MAN1C1: variants seen among roughly 807,000 people sequenced by gnomAD.
MAN1C1 encodes the protein mannosyl-oligosaccharide 1,2-alpha-mannosidase IC.
Under a neutral mutation model 71.5 loss-of-function variants are expected in MAN1C1, and 49 were observed. The ratio of observed to expected loss-of-function variants is 0.69; its 90% CI spans 0.54 to 0.87. The LOEUF (loss-of-function observed/expected upper bound fraction) is 0.87. Ranked by LOEUF, MAN1C1 falls within the 40% of genes least tolerant of loss-of-function variation. The pLI is 0.00. For synonymous variants in MAN1C1, 352 were observed against 343.7 expected (o/e 1.02, Z -0.27); for missense variants, 743 against 835.0 (o/e 0.89, Z 1.36).
At chr1:25,627,569 C>T (rs565544389) in intron 1 of MAN1C1, among the ~76,000 whole-genome samples, 1 of 152,360 alleles carries the variant, frequency 6.6e-6, no homozygotes, top group East Asian at 1.9e-4. Context: ...GCCACTGTGC[C>T]CAGCCAATCC....
At chr1:25,687,002 G>A (rs113934514) in intron 2 of MAN1C1, among the ~76,000 whole-genome samples, 4 of 152,162 alleles carry the variant, frequency 2.6e-5, no homozygotes, top group South Asian at 2.1e-4. Context: ...GGGGCCGGGC[G>A]TGGTGGCCTT....
rs187859415 is a variant in MAN1C1 at position 25,764,741 on chromosome 1, C to T, written c.1141+774C>T. Among the ~76,000 whole-genome samples the T allele has an allele frequency of 5.9e-4, 90 of 152,040 alleles. 1 individual carries two copies. Among genetic ancestry groups the T allele is most frequent in the Admixed American group, 3.6e-3 (55 of 15,272 alleles). Reference sequence around the variant, plus strand: ...CTCCAACTTTAATTTAAAAAACAAACAAACAAACAAACAAACAAAAACCAT... The same window carrying T: ...CTCCAACTTTAATTTAAAAAACAAATAAACAAACAAACAAACAAAAACCAT... On this transcript the variant is annotated intron_variant, in intron 7 of 11. Coordinates refer to ENST00000374332, the MANE Select transcript of MAN1C1 (RefSeq NM_020379.4). This position sits in a 1 kb window ranked among gnomAD's most constrained non-coding sequence, Gnocchi z 4.4.
Position 25,779,649 on chromosome 1 carries a change from G to A in MAN1C1, c.1478-1291G>A, listed in dbSNP as rs899649126. On this transcript the variant is annotated intron_variant, in intron 9 of 11. Coordinates refer to ENST00000374332, the MANE Select transcript of MAN1C1 (RefSeq NM_020379.4). This position sits in a 1 kb window ranked among gnomAD's most constrained non-coding sequence, Gnocchi z 4.6. The stretch of plus-strand genomic sequence containing the variant: ...GCCAGCCTCGGCTTGTCCTGTGGAC[G>A]CCTGTAGCAGTGGCTCCTGCCTTCA... 5.9e-5 allele frequency among the ~76,000 whole-genome samples: 9 copies of A among 152,066 alleles called. No homozygotes were observed. Among genetic ancestry groups the A allele is most frequent in the East Asian group, 3.9e-4 (2 of 5,158 alleles).
At chr1:25,655,160 G>A (rs1020427752) in intron 1 of MAN1C1, among the ~76,000 whole-genome samples, 3 of 152,208 alleles carry the variant, frequency 2.0e-5, no homozygotes, top group African/African-American at 7.2e-5. Flanking sequence ...TCCGGACTAA[G>A]TAAGGAATTT....
At chr1:25,698,108 C>A (rs961938022) in intron 2 of MAN1C1, among the ~76,000 whole-genome samples, 1 of 152,206 alleles carries the variant, frequency 6.6e-6, no homozygotes, top group African/African-American at 2.4e-5. Flanking sequence ...GCAGCAGGAG[C>A]AATCAGTGAA....
chr1:25,652,180 C>T (rs137989600), intron 1 of MAN1C1, among the ~76,000 whole-genome samples: 15 of 152,356 alleles, frequency 9.8e-5, no homozygotes, highest in Non-Finnish European at 2.1e-4. Context: ...AGCTGAGGAG[C>T]CTTCCTGCTG....
At chr1:25,765,952 C>A (rs780854762) in intron 7 of MAN1C1, among the ~76,000 whole-genome samples, 48 of 152,264 alleles carry the variant, frequency 3.2e-4, no homozygotes, top group Non-Finnish European at 5.9e-4. Flanking sequence ...AGATTATAGC[C>A]ACGGGAAGAG....
At chr1:25,687,618 G>A (rs555093341) in intron 2 of MAN1C1, among the ~76,000 whole-genome samples, 2 of 152,292 alleles carry the variant, frequency 1.3e-5, no homozygotes, top group East Asian at 3.9e-4. Flanking sequence ...CCCATCGTGT[G>A]CAGCCCTATC....
chr1:25,689,122 C>A (rs186965791), intron 2 of MAN1C1, among the ~76,000 whole-genome samples: 32 of 152,304 alleles, frequency 2.1e-4, no homozygotes, highest in Admixed American at 2.0e-3. Flanking sequence ...TGTTAGGTGC[C>A]AGTGCCTGGT....
At chr1:25,766,834 C>T (rs2047433903) in intron 7 of MAN1C1, among the ~76,000 whole-genome samples, 1 of 152,066 alleles carries the variant, frequency 6.6e-6, no homozygotes, top group African/African-American at 2.4e-5. Flanking sequence ...GTCCAGACCT[C>T]CTTGGTAGGT....
chr1:25,703,297 C>T (rs1027370689), intron 2 of MAN1C1, among the ~76,000 whole-genome samples: 2 of 152,202 alleles, frequency 1.3e-5, no homozygotes, highest in African/African-American at 4.8e-5. Flanking sequence ...TCACCAGTTC[C>T]ACAGGAAGCA....
At chr1:25,672,377 A>G (rs1279854974) in intron 1 of MAN1C1, among the ~76,000 whole-genome samples, 1 of 152,196 alleles carries the variant, frequency 6.6e-6, no homozygotes, top group Non-Finnish European at 1.5e-5. Flanking sequence ...CCTTTCCAGT[A>G]TCCTGAAAAG....
At position 25,770,031 on chromosome 1, in the gene MAN1C1, G is replaced by A. The variant is rs138693513; in HGVS notation, c.1142-1626G>A. ...TGCTCGTAGCTGCCGTGCCCATGAC[G>A]GGGCTGGAGAAGGGCTCTGAGCAGA... On this transcript the variant is annotated intron_variant, in intron 7 of 11. Transcript: ENST00000374332. Among the ~76,000 whole-genome samples, 146 of 151,968 alleles carry A rather than the reference G, an allele frequency of 9.6e-4. 2 individuals carry two copies. The highest frequency in any genetic ancestry group is 3.1e-3 in the African/African-American group (129 of 41,432).
chr1:25,710,907 G>T (rs759684652), intron 2 of MAN1C1, among the ~76,000 whole-genome samples: 20 of 152,194 alleles, frequency 1.3e-4, no homozygotes, highest in African/African-American at 1.9e-4. Context: ...CTTAGGGAAG[G>T]TCTCTCCCCT....
intron 1 of MAN1C1, among the ~76,000 whole-genome samples, chr1:25,656,329 C>T (rs940023440): frequency 6.6e-6 from 1 of 151,928 alleles, no homozygotes; most frequent in African/African-American, 2.4e-5. Context: ...AACTCCTGAC[C>T]TCAAGTGATC....
chr1:25,712,456 G>T (rs1224856810), intron 2 of MAN1C1, among the ~76,000 whole-genome samples: 4 of 152,230 alleles, frequency 2.6e-5, no homozygotes, highest in African/African-American at 7.2e-5. Flanking sequence ...GAGCACATAG[G>T]CTCATGCTGG....
At chr1:25,718,081 G>T (rs896385318) in intron 2 of MAN1C1, among the ~76,000 whole-genome samples, 1 of 151,756 alleles carries the variant, frequency 6.6e-6, no homozygotes, top group African/African-American at 2.4e-5. Flanking sequence ...GGTTGTTCGG[G>T]GTGTAACTTC....
chr1:25,763,370 T>A (rs187121244), intron 6 of MAN1C1, among the ~76,000 whole-genome samples: 1 of 151,224 alleles, frequency 6.6e-6, no homozygotes. Context: ...AGGCCTGTAA[T>A]CTCAGCTACT....
At chr1:25,702,502 TC>T (rs1390626043) in intron 2 of MAN1C1, among the ~76,000 whole-genome samples, 1 of 151,748 alleles carries the variant, frequency 6.6e-6, no homozygotes, top group Non-Finnish European at 1.5e-5. Context: ...CATACCAGAG[TC>T]TACAGCTCAA....
Sources: gnomAD v4.1 joint callset for allele counts (sites outside exome capture counted in the v4.1 genomes callset) on GRCh38, gnomAD v4.1.1 for gene constraint, Gnocchi (gnomAD v3.1) non-coding constraint, MANE v1.5 for transcripts, NCBI Gene and HGNC (gene_info 2026-07-23, HGNC 2026-07-21) for gene names.